The following PSD3 variants were observed in gnomAD, a reference collection of about 807,000 sequenced individuals.
The protein encoded by PSD3 is PH and SEC7 domain-containing protein 3.
In PSD3, 49 loss-of-function variants were observed where a neutral mutation model predicts 105.5. The observed-to-expected ratio is 0.46, with a 90% confidence interval of 0.37 to 0.59. PSD3 has a LOEUF of 0.59. PSD3 is among the 20% of genes least tolerant of loss of function. The pLI, the probability that PSD3 is intolerant of heterozygous loss-of-function variation, is 0.00. For synonymous variants in PSD3, 557 were observed against 457.8 expected (o/e 1.22, Z -2.77); for missense variants, 1,561 against 1,263.8 (o/e 1.24, Z -3.57).
intron 9 of PSD3, among the ~76,000 whole-genome samples, chr8:18,712,390 A>T (rs1563191397): frequency 6.6e-6 from 1 of 152,170 alleles, no homozygotes; most frequent in East Asian, 1.9e-4. Context: ...CTAGAACAAT[A>T]AAGAAGAAAA....
intron 9 of PSD3, among the ~76,000 whole-genome samples, chr8:18,754,098 T>C (rs934545686): frequency 1.3e-5 from 2 of 152,158 alleles, no homozygotes; most frequent in Admixed American, 6.5e-5. Context: ...ATAATTTCAA[T>C]TTAGGCCAGG....
At chr8:18,852,392 C>T (rs971590837) in intron 4 of PSD3, among the ~76,000 whole-genome samples, 2 of 152,136 alleles carry the variant, frequency 1.3e-5, no homozygotes, top group African/African-American at 4.8e-5. Context: ...AAGCTGCCAC[C>T]ACTGCTGGGC....
At chr8:18,923,750 C>A (rs1375838906) in intron 2 of PSD3, among the ~76,000 whole-genome samples, 2 of 152,080 alleles carry the variant, frequency 1.3e-5, no homozygotes, top group East Asian at 3.9e-4. Flanking sequence ...CAGAATGTGT[C>A]CCTTTCTTTA....
At chr8:18,747,475 G>T (rs1454595681) in intron 9 of PSD3, among the ~76,000 whole-genome samples, 1 of 152,200 alleles carries the variant, frequency 6.6e-6, no homozygotes, top group African/African-American at 2.4e-5. Flanking sequence ...GTGGAAACAG[G>T]AAGAGAAAAC....
chr8:19,047,637 G>T (rs1286506562), intron 1 of PSD3, among the ~76,000 whole-genome samples: 1 of 152,168 alleles, frequency 6.6e-6, no homozygotes, highest in African/African-American at 2.4e-5. Context: ...TCAGGGACCA[G>T]GTTTCTCTGT....
chr8:18,915,008 C>A (rs1586411146), intron 2 of PSD3, among the ~76,000 whole-genome samples: 1 of 151,368 alleles, frequency 6.6e-6, no homozygotes, highest in South Asian at 2.1e-4. Flanking sequence ...CAGACCTAAA[C>A]CAATGGAACA....
intron 12 of PSD3, among the ~76,000 whole-genome samples, chr8:18,588,031 T>C (rs1315935921): frequency 6.6e-6 from 1 of 152,132 alleles, no homozygotes; most frequent in Non-Finnish European, 1.5e-5. Context: ...CCTTAACACA[T>C]GCTACAACCT....
intron 9 of PSD3, among the ~76,000 whole-genome samples, chr8:18,726,458 A>C (rs1309097212): frequency 6.6e-6 from 1 of 152,224 alleles, no homozygotes; most frequent in Non-Finnish European, 1.5e-5. Flanking sequence ...ACTGCTGTAT[A>C]GCTGATTATA....
At chr8:18,567,565 G>A (rs573643929) in intron 14 of PSD3, among the ~76,000 whole-genome samples, 2 of 152,230 alleles carry the variant, frequency 1.3e-5, no homozygotes, top group East Asian at 1.9e-4. Flanking sequence ...TACAGTAATA[G>A]TAATGCTTAC....
intron 11 of PSD3, among the ~76,000 whole-genome samples, chr8:18,607,249 C>T (rs79769391): frequency 0.04 from 6,147 of 152,182 alleles, 322 homozygotes; most frequent in East Asian, 0.21. Context: ...TCTGTGCCTG[C>T]CCCCTCAGGT....
chr8:18,890,524 T>C (rs533301507), intron 2 of PSD3, among the ~76,000 whole-genome samples: 4 of 152,294 alleles, frequency 2.6e-5, no homozygotes, highest in African/African-American at 7.2e-5. Context: ...TCTAATACGC[T>C]GTTTTGAAAA....
intron 9 of PSD3, among the ~76,000 whole-genome samples, chr8:18,661,905 G>A (rs1175907358): frequency 1.3e-5 from 2 of 152,016 alleles, no homozygotes; most frequent in Non-Finnish European, 2.9e-5. Flanking sequence ...TTTAAAGAGC[G>A]CCACATTAGA....
chr8:18,714,626 A>C (rs1802469421), intron 9 of PSD3, among the ~76,000 whole-genome samples: 1 of 152,196 alleles, frequency 6.6e-6, no homozygotes, highest in African/African-American at 2.4e-5. Flanking sequence ...AAAGTCAAGA[A>C]ACAACAGATG....
At chr8:18,857,804 A>G (rs893701419) in intron 4 of PSD3, among the ~76,000 whole-genome samples, 44 of 152,312 alleles carry the variant, frequency 2.9e-4, no homozygotes, top group Middle Eastern at 3.4e-3. Context: ...GATGGTGAGT[A>G]AAAACATCAG....
At chr8:18,860,408 G>T (rs1816347504) in intron 4 of PSD3, among the ~76,000 whole-genome samples, 1 of 151,702 alleles carries the variant, frequency 6.6e-6, no homozygotes, top group South Asian at 2.1e-4. Context: ...TGGAAACATG[G>T]CACCAACAGA....
At chr8:18,954,340 G>A (rs78305129) in intron 1 of PSD3, among the ~76,000 whole-genome samples, 2,476 of 151,912 alleles carry the variant, frequency 0.016, 71 homozygotes, top group African/African-American at 0.056. Flanking sequence ...CTATGAGAAT[G>A]TACTCATGAA....
At chr8:19,047,164 A>C (rs1828349497) in intron 1 of PSD3, among the ~76,000 whole-genome samples, 1 of 152,228 alleles carries the variant, frequency 6.6e-6, no homozygotes, top group South Asian at 2.1e-4. Context: ...GAGCCTCGGC[A>C]GAGAAATTCA....
chr8:19,082,138 C>G (rs1829664739), intron 1 of PSD3, among the ~76,000 whole-genome samples: 1 of 152,212 alleles, frequency 6.6e-6, no homozygotes, highest in South Asian at 2.1e-4. Flanking sequence ...GGGCTGGACA[C>G]ATGGAAAAAC....
intron 9 of PSD3, chr8:18,730,032 G>A (rs564524830): frequency 2.0e-5 from 3 of 152,224 alleles, no homozygotes; most frequent in East Asian, 3.9e-4. Flanking sequence ...CCTCATTTTT[G>A]AAACAGGAAT....
Sources: allele counts gnomAD v4.1 joint callset (sites outside exome capture counted in the v4.1 genomes callset), GRCh38; gene constraint gnomAD v4.1.1; transcripts MANE v1.5; gene names NCBI Gene and HGNC (gene_info 2026-07-23, HGNC 2026-07-21).